The following ARNT2 variants were observed in gnomAD, a reference collection of about 807,000 sequenced individuals.
ARNT2 encodes aryl hydrocarbon receptor nuclear translocator 2.
A neutral mutation model predicts 91.7 loss-of-function variants in ARNT2; 36 were observed. The observed-to-expected ratio is 0.39, with a 90% confidence interval of 0.30 to 0.52. The LOEUF is 0.52. ARNT2 is among the 20% of genes least tolerant of loss of function. The pLI, the probability that ARNT2 is intolerant of heterozygous loss-of-function variation, is 0.72. For synonymous variants in ARNT2, 365 were observed against 347.1 expected, an observed-to-expected ratio of 1.05 and a Z score of -0.57; for missense variants, 775 against 939.3, an observed-to-expected ratio of 0.83 and a Z score of 2.29.
intron 9 of ARNT2, among the ~76,000 whole-genome samples, chr15:80,552,228 A>G (rs1898094319): frequency 6.6e-6 from 1 of 152,222 alleles, no homozygotes; most frequent in Non-Finnish European, 1.5e-5. Context: ...TCACAAATAT[A>G]TATGCTCCAA....
chr15:80,589,100 G>A (rs938041559), intron 17 of ARNT2, among the ~76,000 whole-genome samples: 1 of 152,182 alleles, frequency 6.6e-6, no homozygotes, highest in Non-Finnish European at 1.5e-5. Flanking sequence ...TTCAACATAT[G>A]TTAAGAGATA....
chr15:80,487,477 A>C (rs1415324659), intron 5 of ARNT2, among the ~76,000 whole-genome samples: 1 of 152,202 alleles, frequency 6.6e-6, no homozygotes, highest in Non-Finnish European at 1.5e-5. Flanking sequence ...AGTGGGGAAC[A>C]AGCCATGCAC....
intron 17 of ARNT2, 42 bp downstream of exon 17, chr15:80,581,446 A>G (rs749752447): frequency 6.2e-7 from 1 of 1,610,950 alleles, no homozygotes; most frequent in Non-Finnish European, 8.5e-7. Context: ...GAAAGCCAGC[A>G]CAAATGCTTT....
chr15:80,407,581 C>G (rs1455168275), intron 1 of ARNT2, among the ~76,000 whole-genome samples: 1 of 152,176 alleles, frequency 6.6e-6, no homozygotes, highest in Non-Finnish European at 1.5e-5. Context: ...CCTTCTGGGT[C>G]ATTTACAGTC....
At chr15:80,510,699 C>G (rs901382090) in intron 6 of ARNT2, among the ~76,000 whole-genome samples, 1 of 150,926 alleles carries the variant, frequency 6.6e-6, no homozygotes, top group African/African-American at 2.5e-5. Flanking sequence ...TGTGGTGACG[C>G]GTGCTTGTAG....
intron 12 of ARNT2, among the ~76,000 whole-genome samples, chr15:80,570,685 C>A (rs1898568024): frequency 6.6e-6 from 1 of 152,278 alleles, no homozygotes; most frequent in East Asian, 1.9e-4. Context: ...CATTAGGAGG[C>A]AGACTGTACC....
intron 1 of ARNT2, among the ~76,000 whole-genome samples, chr15:80,436,583 C>T (rs1264429977): frequency 2.0e-5 from 3 of 152,170 alleles, no homozygotes; most frequent in Non-Finnish European, 4.4e-5. Context: ...GATGATTAAC[C>T]ATCTGGTATC....
intron 11 of ARNT2, among the ~76,000 whole-genome samples, chr15:80,557,833 T>A (rs868728263): frequency 3.9e-5 from 6 of 152,160 alleles, no homozygotes; most frequent in African/African-American, 1.4e-4. Flanking sequence ...TCCTTGCTGG[T>A]CTCTCTGCTT....
At chr15:80,548,040 A>T (rs1282235618) in intron 8 of ARNT2, among the ~76,000 whole-genome samples, 1 of 152,122 alleles carries the variant, frequency 6.6e-6, no homozygotes, top group East Asian at 1.9e-4. Context: ...AGAAACTAAC[A>T]CTTGTCAAGA....
intron 8 of ARNT2, among the ~76,000 whole-genome samples, chr15:80,519,990 G>T (rs1327809848): frequency 6.7e-6 from 1 of 148,368 alleles, no homozygotes; most frequent in African/African-American, 2.5e-5. Context: ...GAGCCACCGT[G>T]CCTGGCCGCT....
intron 1 of ARNT2, among the ~76,000 whole-genome samples, chr15:80,432,209 C>T (rs939207703): frequency 2.0e-5 from 3 of 152,208 alleles, no homozygotes; most frequent in African/African-American, 7.2e-5. Flanking sequence ...CCTTCACCTG[C>T]GTCTCTGGGG....
chr15:80,423,769 A>G lies in ARNT2; in HGVS notation c.31+19223A>G, dbSNP rs559262014. ...GTGTGTGTGTGTGAAAGAGAGGGAGAAAGAGGCAGAGAGAGAGAGAGAGAG... is the reference window on the plus strand; with the variant it reads ...GTGTGTGTGTGTGAAAGAGAGGGAGGAAGAGGCAGAGAGAGAGAGAGAGAG... On this transcript the variant is annotated intron_variant, in intron 1 of 18. Transcript: ENST00000303329. Among the ~76,000 whole-genome samples, 8 of 114,864 alleles carry G rather than the reference A, an allele frequency of 7.0e-5. No individual in the cohort carries two copies. In the East Asian group the frequency reaches 2.3e-3, roughly 32 times the overall value. The allele number at this position is 114,864 out of a possible 152,430, so 75.4% of individuals were successfully genotyped here.
At chr15:80,580,640 G>A in intron 16 of ARNT2, 91 bp downstream of exon 16, 1 of 1,547,412 alleles carries the variant, frequency 6.5e-7, no homozygotes, top group Non-Finnish European at 8.8e-7. Context: ...TTCTGAGGAT[G>A]GGTCGGCTCC....
intron 6 of ARNT2, among the ~76,000 whole-genome samples, chr15:80,510,384 A>C (rs754869037): frequency 2.0e-5 from 3 of 152,218 alleles, no homozygotes; most frequent in Admixed American, 6.5e-5. Context: ...AAAAGTGGGC[A>C]AAGGACGTGA....
chr15:80,451,013 T>C lies in ARNT2; in HGVS notation c.146+19T>C, dbSNP rs776445320. The C allele has an allele frequency of 2.5e-6, 4 of 1,606,170 alleles. No individual in the cohort carries two copies. In the Admixed American group the frequency reaches 5.0e-5, roughly 20 times the overall value. ...GTTCCGGGTAAGCGACCTCAGCGTT[T>C]CCAGGAATTGGCTTAATAAATGTTG... On this transcript the variant is annotated intron_variant, in intron 2 of 18. Transcript: ENST00000303329.
chr15:80,477,882 T>C (rs4778798), intron 5 of ARNT2, among the ~76,000 whole-genome samples: 20,538 of 152,150 alleles, frequency 0.13, 2,849 homozygotes, highest in African/African-American at 0.33. Context: ...ACAGCTGTTT[T>C]GGAAGGATAT....
chr15:80,432,442 C>T (rs1896024839), intron 1 of ARNT2, among the ~76,000 whole-genome samples: 1 of 152,132 alleles, frequency 6.6e-6, no homozygotes, highest in Non-Finnish European at 1.5e-5. Flanking sequence ...AAAGAATATT[C>T]CATGACATGT....
intron 1 of ARNT2, among the ~76,000 whole-genome samples, chr15:80,443,443 G>A (rs889220448): frequency 6.6e-6 from 1 of 152,192 alleles, no homozygotes; most frequent in African/African-American, 2.4e-5. Context: ...AGAGTGGAAT[G>A]CAGGAAGGTC....
intron 5 of ARNT2, among the ~76,000 whole-genome samples, chr15:80,497,866 G>A (rs1897141625): frequency 6.6e-6 from 1 of 152,214 alleles, no homozygotes; most frequent in Admixed American, 6.5e-5. Context: ...CTTCTCTCTG[G>A]AGCAAGAATT....
Sources: allele counts gnomAD v4.1 joint callset (sites outside exome capture counted in the v4.1 genomes callset), GRCh38; gene constraint gnomAD v4.1.1; transcripts MANE v1.5; gene names NCBI Gene and HGNC (gene_info 2026-07-23, HGNC 2026-07-21).